The following ADGRL3 variants were observed in gnomAD, a reference collection of about 807,000 sequenced individuals.
ADGRL3 encodes adhesion G protein-coupled receptor L3.
Under a neutral mutation model 153.5 loss-of-function variants are expected in ADGRL3, and 62 were observed. That is an observed-to-expected ratio of 0.40 (90% CI 0.33 to 0.50). ADGRL3 has a LOEUF of 0.50. Among genes scored for constraint, ADGRL3 ranks in the 20% least tolerant of loss-of-function variants. The pLI, the probability that ADGRL3 is intolerant of heterozygous loss-of-function variation, is 0.47. For missense variants in ADGRL3, 1,641 were observed against 1,859.4 expected (o/e 0.88, Z 2.16); for synonymous variants, 710 against 672.5 (o/e 1.06, Z -0.86).
At chr4:61,660,281 C>T (rs1015101877) in intron 5 of ADGRL3, among the ~76,000 whole-genome samples, 5 of 152,130 alleles carry the variant, frequency 3.3e-5, no homozygotes, top group African/African-American at 1.2e-4. Context: ...GGAGGTAAAG[C>T]TCTGTCACAG....
intron 18 of ADGRL3, among the ~76,000 whole-genome samples, chr4:61,981,982 C>T (rs1189955932): frequency 6.6e-6 from 1 of 152,088 alleles, no homozygotes; most frequent in African/African-American, 2.4e-5. Flanking sequence ...AATCAAAGTA[C>T]ACATTTCTTT....
chr4:61,621,712 T>C (rs2092527433), intron 5 of ADGRL3, among the ~76,000 whole-genome samples: 1 of 152,176 alleles, frequency 6.6e-6, no homozygotes, highest in Non-Finnish European at 1.5e-5. Flanking sequence ...AATTTTCCTT[T>C]TACTTGTGGT....
At chr4:61,716,535 TG>T in intron 6 of ADGRL3, among the ~76,000 whole-genome samples, 1 of 152,150 alleles carries the variant, frequency 6.6e-6, no homozygotes, top group East Asian at 1.9e-4. Flanking sequence ...ATAATTTTTC[TG>T]GTAGTAAATG....
chr4:61,400,366 G>A (rs2096915563), intron 2 of ADGRL3, among the ~76,000 whole-genome samples: 1 of 151,394 alleles, frequency 6.6e-6, no homozygotes, highest in Non-Finnish European at 1.5e-5. Flanking sequence ...AATAAATATA[G>A]GAAAAAATAC....
chr4:61,378,632 G>T (rs190834999), intron 1 of ADGRL3, among the ~76,000 whole-genome samples: 1 of 151,946 alleles, frequency 6.6e-6, no homozygotes, highest in Non-Finnish European at 1.5e-5. Context: ...ACCCAAGCTC[G>T]CTGTTATGGA....
At chr4:61,483,122 G>A (rs185416143) in intron 2 of ADGRL3, among the ~76,000 whole-genome samples, 2 of 152,192 alleles carry the variant, frequency 1.3e-5, no homozygotes, top group African/African-American at 4.8e-5. Context: ...ATTTCTTAAT[G>A]AGGCTGTTCT....
intron 4 of ADGRL3, among the ~76,000 whole-genome samples, chr4:61,549,234 G>A (rs1272637033): frequency 2.0e-5 from 3 of 151,954 alleles, no homozygotes; most frequent in African/African-American, 7.2e-5. Context: ...GAGCTTTTGG[G>A]GTTTTCTAGG....
intron 6 of ADGRL3, among the ~76,000 whole-genome samples, chr4:61,694,206 T>TAGAGGCAGGA (rs2095598418): frequency 2.0e-5 from 2 of 101,674 alleles, no homozygotes; most frequent in Non-Finnish European, 3.7e-5. Context: ...TTTTTTTTTT[T>TAGAGGCAGGA]TTTTTTTTTT....
intron 25 of ADGRL3, among the ~76,000 whole-genome samples, chr4:62,060,892 A>G (rs1012446112): frequency 4.6e-5 from 7 of 151,948 alleles, no homozygotes. Context: ...TTATATCTTC[A>G]GAAAGCAAAT....
chr4:61,444,927 C>T (rs912760581), intron 2 of ADGRL3, among the ~76,000 whole-genome samples: 31 of 152,048 alleles, frequency 2.0e-4, no homozygotes, highest in African/African-American at 7.5e-4. Context: ...GTGGTGTACG[C>T]CTGTAGTCCC....
chr4:61,745,635 A>AATACTTG (rs1247327232), intron 8 of ADGRL3, among the ~76,000 whole-genome samples: 23 of 152,314 alleles, frequency 1.5e-4, no homozygotes, highest in Admixed American at 9.1e-4. Flanking sequence ...GGAGAAATAA[A>AATACTTG]ATACTTTACA....
At chr4:61,992,017 C>T (rs1385475604) in intron 19 of ADGRL3, among the ~76,000 whole-genome samples, 3 of 150,708 alleles carry the variant, frequency 2.0e-5, no homozygotes, top group South Asian at 2.1e-4. Context: ...TCTTTTGTTA[C>T]AGTACTTTTA....
At chr4:61,215,541 ATTTTTTTT>A (rs59691960) in intron 1 of ADGRL3, among the ~76,000 whole-genome samples, 4 of 73,704 alleles carry the variant, frequency 5.4e-5, no homozygotes, top group South Asian at 5.7e-4. Context: ...CTATTATGGA[ATTTTTTTT>A]TTTTTTTTTT....
chr4:62,046,033 G>A (rs1264920189), intron 25 of ADGRL3, among the ~76,000 whole-genome samples: 1 of 151,612 alleles, frequency 6.6e-6, no homozygotes, highest in Non-Finnish European at 1.5e-5. Context: ...ACTTACAAAC[G>A]CCTCCATAAC....
chr4:61,689,644 C>T (rs771467128), intron 6 of ADGRL3, among the ~76,000 whole-genome samples: 2 of 152,018 alleles, frequency 1.3e-5, no homozygotes, highest in African/African-American at 4.8e-5. Context: ...AAAATATAAT[C>T]TCTTTAATTG....
chr4:61,840,382 T>A (rs2098012014), intron 9 of ADGRL3, among the ~76,000 whole-genome samples: 1 of 152,184 alleles, frequency 6.6e-6, no homozygotes, highest in African/African-American at 2.4e-5. Flanking sequence ...ACCCAGCTTG[T>A]TTGTCTCATT....
At chr4:61,965,041 C>T (rs2099000957) in intron 17 of ADGRL3, among the ~76,000 whole-genome samples, 1 of 152,050 alleles carries the variant, frequency 6.6e-6, no homozygotes, top group Non-Finnish European at 1.5e-5. Context: ...CACTCTTTCA[C>T]TCAGGCCGGA....
rs2095403656 is a variant in ADGRL3 at position 61,323,393 on chromosome 4, A to G, written c.-239-59731A>G. On this transcript the variant is annotated intron_variant, in intron 1 of 26. Coordinates refer to ENST00000683033, the MANE Select transcript of ADGRL3 (RefSeq NM_001387552.1). Reference sequence around the variant, plus strand: ...CAGCTGGTTTGAATTTCTCCTCAAAATATGGATTTTTTTTTCTATTGCATT... The same window carrying G: ...CAGCTGGTTTGAATTTCTCCTCAAAGTATGGATTTTTTTTTCTATTGCATT... 3.4e-5 allele frequency among the ~76,000 whole-genome samples: 4 copies of G among 117,948 alleles called. No homozygotes were observed. The South Asian group carries it at 1.0e-3, about 29-fold the overall frequency. The allele number at this position is 117,948 out of a possible 152,430, so 77.4% of individuals were successfully genotyped here. A position where few individuals can be genotyped will look rare whatever the true frequency, so the allele number is the denominator to read the frequency against.
At chr4:61,621,380 T>G (rs2092499698) in intron 5 of ADGRL3, among the ~76,000 whole-genome samples, 1 of 152,202 alleles carries the variant, frequency 6.6e-6, no homozygotes, top group African/African-American at 2.4e-5. Flanking sequence ...GATATTACTA[T>G]CTTCCCTTTC....
Sources: gnomAD v4.1 joint callset for allele counts (sites outside exome capture counted in the v4.1 genomes callset) on GRCh38, gnomAD v4.1.1 for gene constraint, MANE v1.5 for transcripts, NCBI Gene and HGNC (gene_info 2026-07-23, HGNC 2026-07-21) for gene names.